Variants in ZNF541 observed in about 807,000 individuals in gnomAD.
The protein encoded by ZNF541 is zinc finger protein 541.
In ZNF541, 23 loss-of-function variants were observed where a neutral mutation model predicts 123.5. The ratio of observed to expected loss-of-function variants is 0.19; its 90% CI spans 0.13 to 0.26. The LOEUF (loss-of-function observed/expected upper bound fraction) is 0.26. ZNF541 is among the 10% of genes least tolerant of loss of function. The probability of loss-of-function intolerance (pLI) is 1.00; values close to 1 mark genes in which losing one functional copy is unlikely to be tolerated. For missense variants in ZNF541, 1,612 were observed against 1,789.9 expected (o/e 0.90, Z 1.79); for synonymous variants, 751 against 754.5 (o/e 1.00, Z 0.08).
At chr19:47,554,309 T>A (rs1970724978) in intron 3 of ZNF541, among the ~76,000 whole-genome samples, 1 of 152,130 alleles carries the variant, frequency 6.6e-6, no homozygotes, top group Non-Finnish European at 1.5e-5. Context: ...CACACACTTG[T>A]AATCCCAGCT....
At chr19:47,559,520 T>G (rs1191282212) in intron 2 of ZNF541, among the ~76,000 whole-genome samples, 1 of 151,878 alleles carries the variant, frequency 6.6e-6, no homozygotes, top group African/African-American at 2.4e-5. Context: ...TGGGAAGCAG[T>G]CAAAGCTTTA....
chr19:47,521,193 G>T lies in ZNF541; in HGVS notation c.*31C>A. ...GCCGAAGGGAGGAGGGGCAGCACTGGAGGCCCCATTCGGACTTGCTGCCAC... is the reference window on the plus strand; with the variant it reads ...GCCGAAGGGAGGAGGGGCAGCACTGTAGGCCCCATTCGGACTTGCTGCCAC... On this transcript the variant is annotated 3_prime_UTR_variant, in exon 17 of 17. Transcript: ENST00000391901. This position sits in a 1 kb window ranked among gnomAD's most constrained non-coding sequence, Gnocchi z 4.2. 1 of 1,547,048 alleles carries T rather than the reference G, an allele frequency of 6.5e-7. No homozygotes were observed. The highest frequency in any genetic ancestry group is 1.2e-5 in the South Asian group (1 of 83,840).
intron 10 of ZNF541, 49 bp downstream of exon 10, chr19:47,532,860 G>T: frequency 6.5e-7 from 1 of 1,529,252 alleles, no homozygotes; most frequent in South Asian, 1.2e-5. Context: ...AGTGACACTA[G>T]AACTCAAGGT....
chr19:47,523,340 A>T lies in ZNF541; in HGVS notation c.3571-1346T>A, dbSNP rs200354128. ...ACCGCGCCCGGCGAGCGTCTCTTTT[A>T]AAAAAAAAAAAAAAAAAAAAAAGGA... On this transcript the variant is annotated intron_variant, in intron 14 of 16. Transcript: ENST00000391901. Among the ~76,000 whole-genome samples, 38 of 75,572 alleles carry T rather than the reference A, an allele frequency of 5.0e-4. No individual in the cohort carries two copies. In the Middle Eastern group the frequency reaches 0.019, roughly 38 times the overall value. 49.6% of individuals were successfully genotyped at this position (75,572 alleles called of 152,430 possible).
At chr19:47,547,909 G>T (rs1970423282) in intron 4 of ZNF541, among the ~76,000 whole-genome samples, 1 of 151,590 alleles carries the variant, frequency 6.6e-6, no homozygotes, top group African/African-American at 2.4e-5. Context: ...GCATGATAGT[G>T]CATGCCTGTA....
chr19:47,565,069 C>T (rs755872835), intron 2 of ZNF541, among the ~76,000 whole-genome samples: 4 of 151,914 alleles, frequency 2.6e-5, no homozygotes, highest in Admixed American at 6.6e-5. Context: ...GAAAATCAAA[C>T]ATCGTATGTT....
In ZNF541 at chr19:47,558,886, A is replaced by G. The variant is rs546674303; in HGVS notation, c.-98-2932T>C. ...CAGCCTCCCGAGTAGCTGGGACTAC[A>G]GGTGCCCGCCCCCGCGCCCGGCTAA... On this transcript the variant is annotated intron_variant, in intron 2 of 16. Transcript: ENST00000391901. 1.5e-3 allele frequency among the ~76,000 whole-genome samples: 226 copies of G among 151,936 alleles called. 3 individuals are homozygous for G. Among genetic ancestry groups the G allele is most frequent in the African/African-American group, 5.1e-3 (211 of 41,462 alleles).
chr19:47,565,558 G>T (rs529834289), intron 2 of ZNF541, among the ~76,000 whole-genome samples: 1 of 152,268 alleles, frequency 6.6e-6, no homozygotes, highest in East Asian at 1.9e-4. Flanking sequence ...AAGTTTTGCT[G>T]CAGTTCAAAT....
At chr19:47,546,310 C>T (rs1970356369) in intron 4 of ZNF541, among the ~76,000 whole-genome samples, 1 of 151,502 alleles carries the variant, frequency 6.6e-6, no homozygotes, top group Admixed American at 6.6e-5. Context: ...GAGTTTGAGA[C>T]CAGCCTGGCC....
chr19:47,562,333 C>G (rs1366542611), intron 2 of ZNF541, among the ~76,000 whole-genome samples: 1 of 152,100 alleles, frequency 6.6e-6, no homozygotes, highest in Non-Finnish European at 1.5e-5. Flanking sequence ...CACTTGAGGT[C>G]AGGAGTTCAA....
At chr19:47,536,068 G>C (rs1289869829) in intron 9 of ZNF541, among the ~76,000 whole-genome samples, 2 of 152,222 alleles carry the variant, frequency 1.3e-5, no homozygotes, top group Non-Finnish European at 2.9e-5. Context: ...GATATGTCTG[G>C]CTAGTTATCT....
At chr19:47,541,304 G>T (rs1970070206) in intron 5 of ZNF541, among the ~76,000 whole-genome samples, 1 of 152,106 alleles carries the variant, frequency 6.6e-6, no homozygotes. Context: ...TGAGGTCCCA[G>T]CGACTCAGGA....
intron 3 of ZNF541, among the ~76,000 whole-genome samples, chr19:47,553,581 G>A (rs1278803252): frequency 6.6e-6 from 1 of 151,874 alleles, no homozygotes; most frequent in South Asian, 2.1e-4. Context: ...GATAATTTTT[G>A]TATTTTTAGT....
At chr19:47,525,781 T>A (rs1969259415) in intron 14 of ZNF541, among the ~76,000 whole-genome samples, 1 of 152,018 alleles carries the variant, frequency 6.6e-6, no homozygotes, top group Non-Finnish European at 1.5e-5. Context: ...GGCATGGTGG[T>A]GGCATGTGCC....
intron 5 of ZNF541, among the ~76,000 whole-genome samples, chr19:47,543,675 C>G (rs1405926369): frequency 3.4e-5 from 5 of 148,184 alleles, no homozygotes; most frequent in African/African-American, 7.5e-5. Context: ...GGGTCTTGCT[C>G]TGTTGCCCAG....
In ZNF541 at chr19:47,538,396, C is replaced by G; in HGVS notation, c.2840G>C (p.Ser947Thr). 6.5e-7 allele frequency: 1 copy of G among 1,543,016 alleles called. No individual in the cohort carries two copies. Among genetic ancestry groups the G allele is most frequent in the African/African-American group, 1.4e-5 (1 of 72,954 alleles). ...DGEERDSKES[S>T]QQRKRKKRPP... ...CCGCTTCTTCCGCTTTCTCTGCTGG[C>G]TGCTCTCCTTGCTGTCTCGCTCCTC... Residue 947 changes from serine to threonine, a missense_variant, in exon 9 of 17, where the codon AGC becomes ACC. Coordinates refer to ENST00000391901, the MANE Select transcript of ZNF541 (RefSeq NM_001277075.3).
Position 47,521,534 on chromosome 19 carries a change from C to T in ZNF541, c.3832G>A (p.Glu1278Lys), listed in dbSNP as rs984820986. ...SPNAGSKRTP[E>K]LLGSAESQGI... ...TGGCTCTCTGCACTTCCCAACAGCT[C>T]GGGGGTCCGCTTGGAGCCTGCATTT... Residue 1278 changes from glutamate (E) to lysine (K), a missense_variant, in exon 16 of 17, where the codon GAG (glutamate) becomes AAG (lysine). By Grantham distance (56) the Glu-to-Lys change is moderately conservative (BLOSUM62 1). Around this residue, in one of 5 missense-constraint regions of ZNF541, gnomAD observed 285 missense variants for 407.3 expected, o/e 0.70. Transcript: ENST00000391901. The surrounding 1 kb of genome is among the most constrained non-coding windows in gnomAD (Gnocchi z 4.2). 3.6e-5 allele frequency: 56 copies of T among 1,551,492 alleles called. No homozygotes were observed. The highest frequency in any genetic ancestry group is 7.1e-5 in the South Asian group (6 of 84,056).
At position 47,544,808 on chromosome 19, in the gene ZNF541, G is replaced by A. The variant is rs2123135661; in HGVS notation, c.1721C>T (p.Ala574Val). Reference sequence around the variant, plus strand: ...CGCAGGGAGCTGGGAGGAGACTGCTGCCACCTGGGCATGGGAGAAGATCCG... The same window carrying A: ...CGCAGGGAGCTGGGAGGAGACTGCTACCACCTGGGCATGGGAGAAGATCCG... Reference protein sequence around the residue: ...SQRIFSHAQVAAVSSQLPAPE... With the variant: ...SQRIFSHAQVVAVSSQLPAPE... The change falls in exon 5 of 17, where the codon GCA (alanine) becomes GTA (valine). Residue 574 changes from alanine (A) to valine (V), a missense_variant. Physicochemically the swap from Ala to Val is moderately conservative, Grantham distance 64. Coordinates refer to ENST00000391901, the MANE Select transcript of ZNF541 (RefSeq NM_001277075.3). 3 of 1,529,954 alleles carry A rather than the reference G, an allele frequency of 2.0e-6. No homozygotes were observed. Among genetic ancestry groups the A allele is most frequent in the East Asian group, 2.5e-5 (1 of 40,766 alleles). 94.8% of individuals were successfully genotyped at this position (1,529,954 alleles called of 1,614,324 possible).
chr19:47,558,746 ATT>A (rs560549219), intron 2 of ZNF541, among the ~76,000 whole-genome samples: 9 of 138,352 alleles, frequency 6.5e-5, no homozygotes, highest in Admixed American at 1.5e-4. Context: ...CGCCCAGCTA[ATT>A]TTTTTTTTTT....
Sources: gnomAD v4.1 joint callset for allele counts (sites outside exome capture counted in the v4.1 genomes callset) on GRCh38, gnomAD v4.1.1 for gene constraint, gnomAD v4.1.1 regional missense constraint, Gnocchi (gnomAD v3.1) non-coding constraint, MANE v1.5 for transcripts, NCBI Gene and HGNC (gene_info 2026-07-23, HGNC 2026-07-21) for gene names.